Variants in TMEM132D observed in about 807,000 individuals in gnomAD.
TMEM132D encodes mature OL transmembrane protein.
A neutral mutation model predicts 62.3 loss-of-function variants in TMEM132D; 21 were observed. The ratio of observed to expected loss-of-function variants is 0.34; its 90% CI spans 0.24 to 0.49. TMEM132D has a LOEUF of 0.49. TMEM132D is among the 20% of genes least tolerant of loss of function. The probability of loss-of-function intolerance (pLI) is 0.99; values close to 1 mark genes in which losing one functional copy is unlikely to be tolerated. For missense variants in TMEM132D, 1,346 were observed against 1,402.8 expected (o/e 0.96, Z 0.65); for synonymous variants, 621 against 575.6 (o/e 1.08, Z -1.13).
chr12:129,479,654 TA>T (rs112467291), intron 3 of TMEM132D, among the ~76,000 whole-genome samples: 4,005 of 152,268 alleles, frequency 0.026, 173 homozygotes, highest in African/African-American at 0.091. Context: ...GATAGTGTCA[TA>T]AAAAAGTAAA....
At position 129,554,303 on chromosome 12, in the gene TMEM132D, A is replaced by T. The variant is rs372427638; in HGVS notation, c.969-23098T>A. Among the ~76,000 whole-genome samples the T allele has an allele frequency of 3.3e-5, 5 of 152,254 alleles. No homozygotes were observed. In the East Asian group the frequency reaches 7.8e-4, roughly 24 times the overall value. On this transcript the variant is annotated intron_variant, in intron 2 of 8. Transcript: ENST00000422113. ...TTAATCAGATTTGTTTCTCCCAGTA[A>T]TTTGAACCACAAGGCACTAAGTAAC... is the stretch of plus-strand genomic sequence containing the variant.
At chr12:129,734,615 C>T (rs1283470878) in intron 1 of TMEM132D, among the ~76,000 whole-genome samples, 1 of 151,972 alleles carries the variant, frequency 6.6e-6, no homozygotes, top group Non-Finnish European at 1.5e-5. Flanking sequence ...CAACTGAGGT[C>T]TTATATTAGT....
chr12:129,294,595 A>C (rs1881524190), intron 4 of TMEM132D, among the ~76,000 whole-genome samples: 1 of 152,160 alleles, frequency 6.6e-6, no homozygotes, highest in Non-Finnish European at 1.5e-5. Context: ...TGCAAGGGCT[A>C]AGAGAGGGGA....
At chr12:129,306,073 T>G (rs931454817) in intron 4 of TMEM132D, among the ~76,000 whole-genome samples, 12 of 152,174 alleles carry the variant, frequency 7.9e-5, no homozygotes, top group Non-Finnish European at 1.8e-4. Flanking sequence ...GTGGTTCTGT[T>G]GAGCCACTTC....
At chr12:129,718,257 G>A (rs891941201) in intron 1 of TMEM132D, among the ~76,000 whole-genome samples, 9 of 152,196 alleles carry the variant, frequency 5.9e-5, no homozygotes, top group Non-Finnish European at 1.0e-4. Context: ...TGGCCAGGCT[G>A]GGTCACCAAG....
At chr12:129,084,427 G>T in intron 6 of TMEM132D, 70 bp downstream of exon 6, 1 of 1,456,474 alleles carries the variant, frequency 6.9e-7, no homozygotes. Flanking sequence ...CTCAGACCCA[G>T]TCATGCCCAA....
chr12:129,150,899 C>T (rs1354590722), intron 5 of TMEM132D, among the ~76,000 whole-genome samples: 1 of 152,214 alleles, frequency 6.6e-6, no homozygotes, highest in Non-Finnish European at 1.5e-5. Flanking sequence ...TGTCTCCTGT[C>T]CGCCCCAACC....
intron 4 of TMEM132D, among the ~76,000 whole-genome samples, chr12:129,276,091 A>G (rs766824854): frequency 7.2e-5 from 11 of 152,248 alleles, no homozygotes; most frequent in African/African-American, 1.2e-4. Context: ...TTCCAATATT[A>G]ACACATGATA....
At chr12:129,675,017 A>G (rs111861328) in intron 2 of TMEM132D, among the ~76,000 whole-genome samples, 4 of 152,342 alleles carry the variant, frequency 2.6e-5, no homozygotes, top group African/African-American at 9.6e-5. Context: ...AACAGCATCT[A>G]GAAAATGGAT....
At chr12:129,582,161 A>C (rs1395552229) in intron 2 of TMEM132D, among the ~76,000 whole-genome samples, 1 of 152,244 alleles carries the variant, frequency 6.6e-6, no homozygotes, top group African/African-American at 2.4e-5. Flanking sequence ...ATCACAGTCC[A>C]CATGGCCGAT....
In TMEM132D at chr12:129,649,538, C is replaced by T. The variant is rs265605; in HGVS notation, c.968+50272G>A. ...TTATGATAACTATAAATATTTTTCT[C>T]TCATCTCCAGTAAATTCTTAACTCT... On this transcript the variant is annotated intron_variant, in intron 2 of 8. Coordinates refer to ENST00000422113, the MANE Select transcript of TMEM132D (RefSeq NM_133448.3). Among the ~76,000 whole-genome samples, 692 of 152,218 alleles carry T rather than the reference C, an allele frequency of 4.5e-3. 8 individuals are homozygous for T. Among genetic ancestry groups the T allele is most frequent in the African/African-American group, 0.016 (660 of 41,524 alleles).
At chr12:129,504,051 CATCATT>C (rs1352581728) in intron 3 of TMEM132D, among the ~76,000 whole-genome samples, 2 of 151,586 alleles carry the variant, frequency 1.3e-5, no homozygotes, top group African/African-American at 4.9e-5. Flanking sequence ...CTGTCATCAT[CATCATT>C]GTCATCATCA....
At chr12:129,834,400 G>A (rs1872937020) in intron 1 of TMEM132D, among the ~76,000 whole-genome samples, 1 of 151,960 alleles carries the variant, frequency 6.6e-6, no homozygotes, top group South Asian at 2.1e-4. Context: ...AATTTCTCAA[G>A]ATAGCCATTG....
chr12:129,590,412 C>T (rs1433613290), intron 2 of TMEM132D, among the ~76,000 whole-genome samples: 1 of 152,220 alleles, frequency 6.6e-6, no homozygotes, highest in Admixed American at 6.5e-5. Context: ...CTTCCAATTA[C>T]CCACTTTTCA....
At chr12:129,121,468 T>C (rs779593989) in intron 5 of TMEM132D, among the ~76,000 whole-genome samples, 1 of 151,970 alleles carries the variant, frequency 6.6e-6, no homozygotes, top group Non-Finnish European at 1.5e-5. Flanking sequence ...TCCTTAAAGT[T>C]AGAAAGGGGC....
At chr12:129,762,222 C>T (rs1031625068) in intron 1 of TMEM132D, among the ~76,000 whole-genome samples, 1 of 152,006 alleles carries the variant, frequency 6.6e-6, no homozygotes. Context: ...CTGTTATTTG[C>T]AAACACAACA....
chr12:129,428,718 C>G (rs1272781463), intron 3 of TMEM132D, among the ~76,000 whole-genome samples: 1 of 152,134 alleles, frequency 6.6e-6, no homozygotes, highest in Non-Finnish European at 1.5e-5. Flanking sequence ...AAATGTGTGT[C>G]TTGGGCATTT....
At chr12:129,547,265 G>T (rs1181149644) in intron 2 of TMEM132D, among the ~76,000 whole-genome samples, 3 of 152,048 alleles carry the variant, frequency 2.0e-5, no homozygotes, top group African/African-American at 4.8e-5. Flanking sequence ...TAGAGACAGG[G>T]TCTCACTCTG....
At chr12:129,356,654 C>CAATA (rs200753521) in intron 3 of TMEM132D, among the ~76,000 whole-genome samples, 1,826 of 115,802 alleles carry the variant, frequency 0.016, 28 homozygotes, top group Middle Eastern at 0.04. Flanking sequence ...CCTGTCTCTA[C>CAATA]AATAAATAAA....
Sources: allele counts gnomAD v4.1 joint callset (sites outside exome capture counted in the v4.1 genomes callset), GRCh38; gene constraint gnomAD v4.1.1; transcripts MANE v1.5; gene names NCBI Gene and HGNC (gene_info 2026-07-23, HGNC 2026-07-21).